The following TBCE variants were observed in gnomAD, a reference collection of about 807,000 sequenced individuals.
TBCE encodes tubulin-specific chaperone E.
Under a neutral mutation model 77.0 loss-of-function variants are expected in TBCE, and 53 were observed. The ratio of observed to expected loss-of-function variants is 0.69; its 90% CI spans 0.55 to 0.87. TBCE has a LOEUF of 0.87. Among genes scored for constraint, TBCE ranks in the 40% least tolerant of loss-of-function variants. The pLI, the probability that TBCE is intolerant of heterozygous loss-of-function variation, is 0.00. For missense variants in TBCE, 624 were observed against 622.4 expected, an observed-to-expected ratio of 1.00 and a Z score of -0.03; for synonymous variants, 235 against 241.3, an observed-to-expected ratio of 0.97 and a Z score of 0.24.
chr1:235,436,985 C>T (rs374701038), intron 11 of TBCE, among the ~76,000 whole-genome samples: 5 of 151,940 alleles, frequency 3.3e-5, no homozygotes, highest in East Asian at 1.9e-4. Context: ...CAAAATTAAC[C>T]GGGCGTGGTG....
Position 235,380,277 on chromosome 1 carries a change from T to C in TBCE, c.100+128T>C, listed in dbSNP as rs560728597. ...CTTTATACCACAAATTTTGACGAAA[T>C]TAACAACTAATTTATAGGTGCCTCC... On this transcript the variant is annotated intron_variant, in intron 2 of 16. Coordinates refer to ENST00000642610, the MANE Select transcript of TBCE (RefSeq NM_003193.5). 4 of 833,506 alleles carry C rather than the reference T, an allele frequency of 4.8e-6. No individual in the cohort carries two copies. The East Asian group carries it at 1.1e-4, about 22-fold the overall frequency. The allele number at this position is 833,506 out of a possible 1,614,324, so 51.6% of individuals were successfully genotyped here. A position where few individuals can be genotyped will look rare whatever the true frequency, so the allele number is the denominator to read the frequency against.
chr1:235,434,413 C>A, intron 8 of TBCE, 133 bp downstream of exon 8: 1 of 780,156 alleles, frequency 1.3e-6, no homozygotes, highest in Non-Finnish European at 2.2e-6. Flanking sequence ...GCTTATTATT[C>A]ATTGCCTTCA....
At chr1:235,397,800 A>G (rs1168361833) in intron 2 of TBCE, among the ~76,000 whole-genome samples, 1 of 152,186 alleles carries the variant, frequency 6.6e-6, no homozygotes, top group Non-Finnish European at 1.5e-5. Context: ...GGATGTAGAA[A>G]GCAAAAATCT....
intron 3 of TBCE, among the ~76,000 whole-genome samples, chr1:235,406,555 G>A (rs1418360646): frequency 2.6e-5 from 4 of 152,152 alleles, no homozygotes; most frequent in African/African-American, 4.8e-5. Context: ...TTTTTGAGAC[G>A]GAGTCTCACT....
chr1:235,374,976 A>C (rs376612812), intron 1 of TBCE, among the ~76,000 whole-genome samples: 1 of 114,886 alleles, frequency 8.7e-6, no homozygotes, highest in African/African-American at 3.9e-5. Flanking sequence ...GCTGGAGTGC[A>C]GTGGTGCGAT....
chr1:235,448,859 A>AG lies in TBCE; in HGVS notation c.*102dup, dbSNP rs746679827. On this transcript the variant is annotated 3_prime_UTR_variant, in exon 17 of 17. Transcript: ENST00000642610. ...TGGAACAATTCTACTGTCAAAACAA[A>AG]GGGGGTTTACAACTTGTCCTAAGTA... is the stretch of plus-strand genomic sequence containing the variant. 4.1e-5 allele frequency: 39 copies of AG among 949,420 alleles called. No individual in the cohort carries two copies. Among genetic ancestry groups the AG allele is most frequent in the Non-Finnish European group, 6.3e-5 (38 of 599,368 alleles). The allele number at this position is 949,420 out of a possible 1,614,324, so 58.8% of individuals were successfully genotyped here.
intron 1 of TBCE, among the ~76,000 whole-genome samples, chr1:235,379,711 G>T (rs1655205970): frequency 6.6e-6 from 1 of 152,030 alleles, no homozygotes; most frequent in South Asian, 2.1e-4. Context: ...CACTTTGGGA[G>T]ACTGAGGTTG....
intron 3 of TBCE, among the ~76,000 whole-genome samples, chr1:235,409,593 T>C (rs1679653373): frequency 6.6e-6 from 1 of 151,944 alleles, no homozygotes; most frequent in African/African-American, 2.4e-5. Context: ...GGGCATAGCA[T>C]CCGTTTTGCA....
At chr1:235,412,279 A>G (rs1679860417) in intron 3 of TBCE, among the ~76,000 whole-genome samples, 1 of 66,506 alleles carries the variant, frequency 1.5e-5, no homozygotes, top group Admixed American at 2.0e-4. Flanking sequence ...CGCCCAGGCT[A>G]GAGTGCAATG....
chr1:235,399,912 C>T (rs1276325584), intron 2 of TBCE, among the ~76,000 whole-genome samples: 1 of 152,110 alleles, frequency 6.6e-6, no homozygotes, highest in Non-Finnish European at 1.5e-5. Flanking sequence ...AAAACCCCCA[C>T]ACATTCGGTC....
intron 2 of TBCE, among the ~76,000 whole-genome samples, chr1:235,390,971 TTTTC>T (rs1262102545): frequency 6.6e-6 from 1 of 151,984 alleles, no homozygotes; most frequent in Non-Finnish European, 1.5e-5. Flanking sequence ...TTTCTTGCTG[TTTTC>T]TTTCTTTCTT....
At chr1:235,428,964 T>C (rs1680913819) in intron 6 of TBCE, 1 of 124,946 alleles carries the variant, frequency 8.0e-6, no homozygotes, top group Non-Finnish European at 1.6e-5. Flanking sequence ...TATATATGTA[T>C]GTGTGTATAT....
intron 7 of TBCE, among the ~76,000 whole-genome samples, chr1:235,431,841 T>A (rs1182513910): frequency 2.0e-5 from 3 of 149,994 alleles, no homozygotes; most frequent in Non-Finnish European, 4.4e-5. Flanking sequence ...CCCAGCTAAT[T>A]TTGTATCTTT....
chr1:235,435,854 A>G lies in TBCE; in HGVS notation c.833+14A>G, dbSNP rs2102922984. On this transcript the variant is annotated intron_variant, in intron 9 of 16. Coordinates refer to ENST00000642610, the MANE Select transcript of TBCE (RefSeq NM_003193.5). The stretch of plus-strand genomic sequence containing the variant: ...CCACCTGCCCAGGTAATTTGCCCCT[A>G]AATGCCTGATACAATAGTGTTCAGT... The G allele has an allele frequency of 1.2e-6, 2 of 1,605,184 alleles. No individual in the cohort carries two copies. The highest frequency in any genetic ancestry group is 1.7e-6 in the Non-Finnish European group (2 of 1,171,824).
At chr1:235,417,184 T>C (rs1680157161) in intron 4 of TBCE, among the ~76,000 whole-genome samples, 1 of 152,224 alleles carries the variant, frequency 6.6e-6, no homozygotes, top group East Asian at 1.9e-4. Context: ...TGGAGATGGC[T>C]TTGGCTCTGG....
intron 5 of TBCE, among the ~76,000 whole-genome samples, chr1:235,421,496 T>G (rs991433402): frequency 6.6e-6 from 1 of 151,984 alleles, no homozygotes; most frequent in African/African-American, 2.4e-5. Context: ...TCATCTGAGG[T>G]CAGGAGTTTG....
chr1:235,399,235 G>A (rs1034824921), intron 2 of TBCE, among the ~76,000 whole-genome samples: 4 of 152,178 alleles, frequency 2.6e-5, no homozygotes, highest in Non-Finnish European at 4.4e-5. Flanking sequence ...GATTACAGGC[G>A]TGAGCCACCA....
At chr1:235,383,164 C>T (rs1677784195) in intron 2 of TBCE, among the ~76,000 whole-genome samples, 2 of 143,428 alleles carry the variant, frequency 1.4e-5, no homozygotes. Context: ...TGTTCTGTTC[C>T]ATTGATCTAT....
At chr1:235,441,573 C>G in intron 13 of TBCE, 1 of 541,936 alleles carries the variant, frequency 1.8e-6, no homozygotes. Context: ...TTTCACTGGT[C>G]ATTAACAATG....
Sources: gnomAD v4.1 joint callset for allele counts (sites outside exome capture counted in the v4.1 genomes callset) on GRCh38, gnomAD v4.1.1 for gene constraint, MANE v1.5 for transcripts, NCBI Gene and HGNC (gene_info 2026-07-23, HGNC 2026-07-21) for gene names.